Variants in ZFAND3 observed in about 807,000 individuals in gnomAD.
The protein encoded by ZFAND3 is AN1-type zinc finger protein 3.
ZFAND3 carries 10 observed loss-of-function variants against 29.6 expected under a neutral mutation model. That is an observed-to-expected ratio of 0.34 (90% CI 0.21 to 0.57). ZFAND3 has a LOEUF of 0.57. Among genes scored for constraint, ZFAND3 ranks in the 20% least tolerant of loss-of-function variants. The probability of loss-of-function intolerance (pLI) is 0.86; values close to 1 mark genes in which losing one functional copy is unlikely to be tolerated. For synonymous variants in ZFAND3, 128 were observed against 112.6 expected, an observed-to-expected ratio of 1.14 and a Z score of -0.87; for missense variants, 230 against 304.5, an observed-to-expected ratio of 0.76 and a Z score of 1.82.
intron 3 of ZFAND3, among the ~76,000 whole-genome samples, chr6:38,080,000 A>G (rs530783349): frequency 6.6e-6 from 1 of 152,056 alleles, no homozygotes; most frequent in Non-Finnish European, 1.5e-5. Flanking sequence ...TTCTATACAC[A>G]TCATTCTAAT....
At chr6:38,147,747 A>G (rs1581960773) in intron 5 of ZFAND3, among the ~76,000 whole-genome samples, 1 of 152,004 alleles carries the variant, frequency 6.6e-6, no homozygotes, top group East Asian at 1.9e-4. Flanking sequence ...AGTATTTTTT[A>G]TTCACCTATT....
At chr6:37,866,666 T>A (rs939002234) in intron 1 of ZFAND3, among the ~76,000 whole-genome samples, 1 of 152,196 alleles carries the variant, frequency 6.6e-6, no homozygotes, top group Non-Finnish European at 1.5e-5. Flanking sequence ...AAAAGACATT[T>A]TGAGTGTAGA....
At chr6:37,877,755 T>G (rs1764819808) in intron 1 of ZFAND3, among the ~76,000 whole-genome samples, 1 of 152,202 alleles carries the variant, frequency 6.6e-6, no homozygotes, top group Non-Finnish European at 1.5e-5. Context: ...CAAAGTACTA[T>G]GTATTAATAG....
chr6:38,005,262 G>A (rs1194835797), intron 2 of ZFAND3, among the ~76,000 whole-genome samples: 1 of 152,148 alleles, frequency 6.6e-6, no homozygotes, highest in Non-Finnish European at 1.5e-5. Flanking sequence ...TCACTCTGCA[G>A]ATCTGTCGAA....
At chr6:38,085,721 T>C (rs1029100559) in intron 4 of ZFAND3, among the ~76,000 whole-genome samples, 1 of 152,164 alleles carries the variant, frequency 6.6e-6, no homozygotes, top group Non-Finnish European at 1.5e-5. Flanking sequence ...ATTACAGGCA[T>C]GAGCAACCGT....
chr6:37,916,175 A>G (rs1373544376), intron 1 of ZFAND3, among the ~76,000 whole-genome samples: 1 of 152,096 alleles, frequency 6.6e-6, no homozygotes, highest in Non-Finnish European at 1.5e-5. Context: ...GACACTGATC[A>G]CAGATCACCA....
At chr6:37,978,498 T>A (rs73421444) in intron 2 of ZFAND3, among the ~76,000 whole-genome samples, 10,378 of 152,242 alleles carry the variant, frequency 0.068, 428 homozygotes, top group Non-Finnish European at 0.087. Flanking sequence ...GGGGTTTGTT[T>A]AGAGTTGCTG....
chr6:37,993,269 T>C (rs1390059748), intron 2 of ZFAND3, among the ~76,000 whole-genome samples: 1 of 152,176 alleles, frequency 6.6e-6, no homozygotes, highest in Non-Finnish European at 1.5e-5. Flanking sequence ...GAGCTAAAAA[T>C]ACAACCTTTG....
At position 37,931,343 on chromosome 6, in the gene ZFAND3, A is replaced by T. The variant is rs541569210; in HGVS notation, c.112+1344A>T. ...AGAGGCAGACAATTTGAGAGAGGCT[A>T]GGGTCATCCTAGGGAGGTAACCTTG... On this transcript the variant is annotated intron_variant, in intron 2 of 5. Coordinates refer to ENST00000287218, the MANE Select transcript of ZFAND3 (RefSeq NM_021943.3). Among the ~76,000 whole-genome samples the T allele has an allele frequency of 1.5e-4, 23 of 152,194 alleles. 2 individuals are homozygous for T. In the South Asian group the frequency reaches 4.6e-3, roughly 30 times the overall value.
At chr6:37,934,627 AG>A (rs1356471095) in intron 2 of ZFAND3, among the ~76,000 whole-genome samples, 1 of 151,556 alleles carries the variant, frequency 6.6e-6, no homozygotes, top group Non-Finnish European at 1.5e-5. Context: ...ATTTGAGGTC[AG>A]GAGTTCGAGA....
chr6:37,967,838 C>G (rs1047312300), intron 2 of ZFAND3, among the ~76,000 whole-genome samples: 1 of 152,166 alleles, frequency 6.6e-6, no homozygotes, highest in Non-Finnish European at 1.5e-5. Flanking sequence ...TAAGTGTTGA[C>G]TCCACATTCC....
chr6:38,139,355 GA>G (rs1247146754), intron 5 of ZFAND3, among the ~76,000 whole-genome samples: 4 of 152,146 alleles, frequency 2.6e-5, no homozygotes, highest in East Asian at 1.9e-4. Context: ...TTGATTTTAT[GA>G]AATCTAGCCA....
chr6:37,828,014 CT>C (rs1415672053), intron 1 of ZFAND3, among the ~76,000 whole-genome samples: 5 of 152,160 alleles, frequency 3.3e-5, no homozygotes, highest in Admixed American at 2.0e-4. Context: ...TTGGGAGTGT[CT>C]TTTCTCATTT....
intron 1 of ZFAND3, among the ~76,000 whole-genome samples, chr6:37,820,408 G>T (rs933129917): frequency 6.6e-6 from 1 of 152,200 alleles, no homozygotes; most frequent in African/African-American, 2.4e-5. Context: ...GGCGTGAGTT[G>T]GTGCCCAGGC....
intron 5 of ZFAND3, among the ~76,000 whole-genome samples, chr6:38,148,656 A>T (rs1766157959): frequency 1.3e-5 from 2 of 152,182 alleles, no homozygotes; most frequent in Admixed American, 6.5e-5. Flanking sequence ...TGACACTTGT[A>T]GTGGTTTCTG....
At chr6:38,034,489 T>C (rs1310913677) in intron 2 of ZFAND3, among the ~76,000 whole-genome samples, 2 of 152,176 alleles carry the variant, frequency 1.3e-5, no homozygotes, top group Non-Finnish European at 2.9e-5. Flanking sequence ...AAGAAAGAAC[T>C]ACTGCAAAGC....
chr6:37,958,418 C>G (rs1001513449), intron 2 of ZFAND3, among the ~76,000 whole-genome samples: 2 of 142,864 alleles, frequency 1.4e-5, no homozygotes, highest in African/African-American at 5.3e-5. Context: ...TGTGCCACTG[C>G]ACTTCAGCCT....
intron 1 of ZFAND3, among the ~76,000 whole-genome samples, chr6:37,891,424 C>CG (rs1229033378): frequency 6.3e-5 from 9 of 143,820 alleles, no homozygotes; most frequent in African/African-American, 1.3e-4. Context: ...AGTCCCCCCC[C>CG]CCGCCTTTAA....
At chr6:37,850,118 G>A (rs1391924108) in intron 1 of ZFAND3, among the ~76,000 whole-genome samples, 1 of 152,178 alleles carries the variant, frequency 6.6e-6, no homozygotes, top group Non-Finnish European at 1.5e-5. Context: ...TAGGAGGTCT[G>A]TCTTGTAGCC....
Sources: allele counts gnomAD v4.1 joint callset (sites outside exome capture counted in the v4.1 genomes callset), GRCh38; gene constraint gnomAD v4.1.1; transcripts MANE v1.5; gene names NCBI Gene and HGNC (gene_info 2026-07-23, HGNC 2026-07-21).